Variants in KCNMA1 observed in about 807,000 individuals in gnomAD.
KCNMA1 encodes the protein Calcium-activated potassium channel subunit alpha-1.
KCNMA1 carries 29 observed loss-of-function variants against 140.0 expected under a neutral mutation model. That is an observed-to-expected ratio of 0.21 (90% CI 0.15 to 0.28). The LOEUF (loss-of-function observed/expected upper bound fraction) is 0.28. Among genes scored for constraint, KCNMA1 ranks in the 10% least tolerant of loss-of-function variants. The pLI is 1.00. For missense variants in KCNMA1, 880 were observed against 1,602.2 expected, an observed-to-expected ratio of 0.55 and a Z score of 7.70; for synonymous variants, 612 against 611.9, an observed-to-expected ratio of 1.00 and a Z score of 0.00.
At chr10:77,597,985 T>A (rs1174288263) in intron 1 of KCNMA1, among the ~76,000 whole-genome samples, 1 of 152,254 alleles carries the variant, frequency 6.6e-6, no homozygotes, top group Non-Finnish European at 1.5e-5. Context: ...GTTTTCATTT[T>A]TATTGAGACT....
At chr10:77,583,557 C>T (rs2076427001) in intron 1 of KCNMA1, among the ~76,000 whole-genome samples, 1 of 152,236 alleles carries the variant, frequency 6.6e-6, no homozygotes, top group Non-Finnish European at 1.5e-5. Context: ...AGTAATACAA[C>T]AGCAGTCAGC....
intron 1 of KCNMA1, among the ~76,000 whole-genome samples, chr10:77,562,385 C>A (rs529319410): frequency 3.3e-5 from 5 of 152,306 alleles, no homozygotes; most frequent in Non-Finnish European, 7.3e-5. Flanking sequence ...CGGTCTGTTG[C>A]ACAAATGTAT....
intron 10 of KCNMA1, among the ~76,000 whole-genome samples, chr10:77,087,297 C>T (rs1383941184): frequency 1.3e-5 from 2 of 152,050 alleles, no homozygotes; most frequent in African/African-American, 4.8e-5. Context: ...TCAAATGAGC[C>T]AATTCTTCCT....
At chr10:76,978,978 T>C (rs1385462173) in intron 19 of KCNMA1, among the ~76,000 whole-genome samples, 1 of 152,212 alleles carries the variant, frequency 6.6e-6, no homozygotes, top group Admixed American at 6.5e-5. Context: ...AAATATTGCA[T>C]GAAACTATCA....
At chr10:77,400,408 C>T (rs545249947) in intron 2 of KCNMA1, among the ~76,000 whole-genome samples, 2 of 152,330 alleles carry the variant, frequency 1.3e-5, no homozygotes, top group South Asian at 4.1e-4. Context: ...GTGGACCATG[C>T]TTCTACATGC....
At chr10:77,324,944 T>A (rs959312705) in intron 2 of KCNMA1, among the ~76,000 whole-genome samples, 1 of 73,914 alleles carries the variant, frequency 1.4e-5, no homozygotes, top group Admixed American at 1.6e-4. Context: ...CTCTAGACTC[T>A]CTCTCTCTCT....
At chr10:77,503,468 C>A (rs2044661539) in intron 1 of KCNMA1, among the ~76,000 whole-genome samples, 1 of 152,114 alleles carries the variant, frequency 6.6e-6, no homozygotes, top group African/African-American at 2.4e-5. Context: ...CCAGCTAGGG[C>A]ATTCTATGAA....
chr10:77,543,654 C>T (rs2060711455), intron 1 of KCNMA1, among the ~76,000 whole-genome samples: 1 of 151,856 alleles, frequency 6.6e-6, no homozygotes, highest in Non-Finnish European at 1.5e-5. Flanking sequence ...AATCAAAGAC[C>T]AAAATAATCC....
chr10:77,028,373 C>A (rs2093653575), intron 15 of KCNMA1, among the ~76,000 whole-genome samples: 1 of 152,062 alleles, frequency 6.6e-6, no homozygotes, highest in Non-Finnish European at 1.5e-5. Flanking sequence ...GTGTAAGTGC[C>A]CAGCACATGA....
At chr10:77,374,399 C>G (rs1443112916) in intron 2 of KCNMA1, among the ~76,000 whole-genome samples, 1 of 152,190 alleles carries the variant, frequency 6.6e-6, no homozygotes, top group Non-Finnish European at 1.5e-5. Flanking sequence ...TTTGGTAATT[C>G]TATCCACACA....
chr10:77,438,295 C>T (rs909413412), intron 1 of KCNMA1, among the ~76,000 whole-genome samples: 17 of 152,132 alleles, frequency 1.1e-4, no homozygotes, highest in African/African-American at 3.1e-4. Context: ...GTACCAAGCA[C>T]AGTGCCTGAA....
chr10:77,219,407 A>T (rs1380727478), intron 3 of KCNMA1, among the ~76,000 whole-genome samples: 1 of 152,138 alleles, frequency 6.6e-6, no homozygotes, highest in Non-Finnish European at 1.5e-5. Flanking sequence ...AGTGGGGAAG[A>T]AGAGAGACGT....
intron 1 of KCNMA1, among the ~76,000 whole-genome samples, chr10:77,464,983 A>G (rs1454191568): frequency 6.6e-6 from 1 of 152,208 alleles, no homozygotes; most frequent in East Asian, 1.9e-4. Flanking sequence ...GCCGTGTATA[A>G]ATCAACTTGG....
At chr10:77,601,894 A>G (rs1250432214) in intron 1 of KCNMA1, among the ~76,000 whole-genome samples, 1 of 152,200 alleles carries the variant, frequency 6.6e-6, no homozygotes, top group Non-Finnish European at 1.5e-5. Flanking sequence ...GATCAGATCC[A>G]GGCAGTACAG....
intron 2 of KCNMA1, among the ~76,000 whole-genome samples, chr10:77,278,647 C>T (rs142675310): frequency 6.8e-4 from 103 of 152,182 alleles, no homozygotes; most frequent in African/African-American, 2.2e-3. Context: ...CTGCCATATG[C>T]GGTCACCAAA....
chr10:77,096,888 G>C (rs887924833), intron 9 of KCNMA1, among the ~76,000 whole-genome samples: 3 of 152,090 alleles, frequency 2.0e-5, no homozygotes, highest in Non-Finnish European at 2.9e-5. Context: ...CTCCCAAAAT[G>C]CATCTCACCA....
chr10:77,442,816 G>A (rs2097436343), intron 1 of KCNMA1, among the ~76,000 whole-genome samples: 1 of 152,120 alleles, frequency 6.6e-6, no homozygotes, highest in Admixed American at 6.5e-5. Context: ...TGACCAGGTG[G>A]CCACAGGAGT....
At chr10:77,283,928 T>C (rs2069651198) in intron 2 of KCNMA1, among the ~76,000 whole-genome samples, 1 of 152,198 alleles carries the variant, frequency 6.6e-6, no homozygotes, top group Non-Finnish European at 1.5e-5. Context: ...AAAGTCGCAC[T>C]GGAGCTGGCA....
At chr10:77,237,699 T>A (rs552029950) in intron 3 of KCNMA1, among the ~76,000 whole-genome samples, 1 of 152,208 alleles carries the variant, frequency 6.6e-6, no homozygotes, top group Admixed American at 6.5e-5. Flanking sequence ...GTGATCCTCT[T>A]ACCTCATGTG....
Sources: allele counts gnomAD v4.1 joint callset (sites outside exome capture counted in the v4.1 genomes callset), GRCh38; gene constraint gnomAD v4.1.1; transcripts MANE v1.5; gene names NCBI Gene and HGNC (gene_info 2026-07-23, HGNC 2026-07-21).